Variants in ATP6V1B2 observed in about 807,000 individuals in gnomAD.
ATP6V1B2 encodes V-type proton ATPase subunit B, brain isoform.
In ATP6V1B2, 23 loss-of-function variants were observed where a neutral mutation model predicts 66.7. The observed-to-expected ratio is 0.34, with a 90% CI of 0.25 to 0.49. ATP6V1B2 has a LOEUF of 0.49. ATP6V1B2 is among the 20% of genes least tolerant of loss of function. The pLI is 0.99. For missense variants in ATP6V1B2, 478 were observed against 650.8 expected (o/e 0.73, Z 2.89); for synonymous variants, 278 against 236.7 (o/e 1.17, Z -1.60).
Position 20,221,230 on chromosome 8 carries a change from G to A in ATP6V1B2, c.*828G>A, listed in dbSNP as rs1242369512. On this transcript the variant is annotated 3_prime_UTR_variant, in exon 14 of 14. Coordinates refer to ENST00000276390, the MANE Select transcript of ATP6V1B2 (RefSeq NM_001693.4). ...TCTACATTCTGACATGCTAACAGTG[G>A]TTTAAGTTTCTAAAGTGTTTACCAG... The A allele has an allele frequency of 6.6e-6, 1 of 152,208 alleles. No homozygotes were observed. The highest frequency in any genetic ancestry group is 2.4e-5 in the African/African-American group (1 of 41,454). The allele number at this position is 152,208 out of a possible 1,614,324, so 9.4% of individuals were successfully genotyped here.
intron 1 of ATP6V1B2, among the ~76,000 whole-genome samples, chr8:20,198,583 G>A (rs931408183): frequency 6.6e-6 from 1 of 152,192 alleles, no homozygotes; most frequent in Admixed American, 6.5e-5. Context: ...ACTGGGAAAA[G>A]CACATGATGT....
chr8:20,198,301 A>G (rs1037120883), intron 1 of ATP6V1B2, among the ~76,000 whole-genome samples: 5 of 152,176 alleles, frequency 3.3e-5, no homozygotes, highest in African/African-American at 1.2e-4. Flanking sequence ...TTGCCTCTTC[A>G]TTTACTGACC....
intron 13 of ATP6V1B2, among the ~76,000 whole-genome samples, chr8:20,218,710 T>G (rs1411003798): frequency 6.6e-6 from 1 of 152,188 alleles, no homozygotes; most frequent in Non-Finnish European, 1.5e-5. Context: ...TCCAAAAAGC[T>G]CAGTTACCTG....
At chr8:20,201,298 A>G (rs540780452) in intron 1 of ATP6V1B2, among the ~76,000 whole-genome samples, 5 of 152,292 alleles carry the variant, frequency 3.3e-5, no homozygotes, top group South Asian at 4.1e-4. Flanking sequence ...TATTTAGGTA[A>G]TTTACAAATG....
chr8:20,211,037 T>G, intron 5 of ATP6V1B2, 140 bp from the exon 6 acceptor site: 1 of 1,125,832 alleles, frequency 8.9e-7, no homozygotes, highest in Non-Finnish European at 1.2e-6. Flanking sequence ...AATAACTGAT[T>G]TTTTTTGTAG....
Position 20,214,976 on chromosome 8 carries a change from T to C in ATP6V1B2, c.1078+8T>C. On this transcript the variant is annotated splice_region_variant and intron_variant, in intron 10 of 13. Coordinates refer to ENST00000276390, the MANE Select transcript of ATP6V1B2 (RefSeq NM_001693.4). ...TAACCATGCCTAATGATGGTAAGTT[T>C]TGGTATTTGGATTATAACACACCTA... 1 of 1,612,484 alleles carries C rather than the reference T, an allele frequency of 6.2e-7. No individual in the cohort carries two copies. The highest frequency in any genetic ancestry group is 8.5e-7 in the Non-Finnish European group (1 of 1,179,142).
chr8:20,217,063 C>G, intron 11 of ATP6V1B2, 157 bp from the exon 12 acceptor site: 1 of 628,766 alleles, frequency 1.6e-6, no homozygotes, highest in Non-Finnish European at 2.8e-6. Flanking sequence ...ACTACCTTTT[C>G]TTGCCAGGAA....
rs1000768485 is a variant in ATP6V1B2 at position 20,220,457 on chromosome 8, A to C, written c.*55A>C. ...GTGAAATACTGGTTCTGTTTTCTTT[A>C]TTCCTTTTGCACTCTCGGTTCCCAC... On this transcript the variant is annotated 3_prime_UTR_variant, in exon 14 of 14. Transcript: ENST00000276390. 4.3e-5 allele frequency: 64 copies of C among 1,490,246 alleles called. No homozygotes were observed. Among genetic ancestry groups the C allele is most frequent in the Middle Eastern group, 3.6e-4 (2 of 5,610 alleles). The allele number at this position is 1,490,246 out of a possible 1,614,324, so 92.3% of individuals were successfully genotyped here. A position where few individuals can be genotyped will look rare whatever the true frequency, so the allele number is the denominator to read the frequency against.
intron 5 of ATP6V1B2, 109 bp downstream of exon 5, chr8:20,210,755 C>T (rs2072785505): frequency 4.1e-6 from 3 of 728,562 alleles, no homozygotes; most frequent in Non-Finnish European, 7.0e-6. Flanking sequence ...AGTAGATAGG[C>T]AACACGCTCC....
intron 1 of ATP6V1B2, among the ~76,000 whole-genome samples, chr8:20,201,117 A>T (rs879775730): frequency 6.6e-6 from 1 of 152,224 alleles, no homozygotes; most frequent in African/African-American, 2.4e-5. Flanking sequence ...GGCTCATATG[A>T]TAGTTCAGAA....
intron 13 of ATP6V1B2, 45 bp from the exon 14 acceptor site, chr8:20,220,218 G>T: frequency 6.3e-7 from 1 of 1,593,642 alleles, no homozygotes; most frequent in Non-Finnish European, 8.5e-7. Flanking sequence ...ACACTGCTAA[G>T]TTGGAAGTCA....
chr8:20,209,885 T>G (rs1471041545), intron 3 of ATP6V1B2, among the ~76,000 whole-genome samples: 2 of 152,000 alleles, frequency 1.3e-5, no homozygotes, highest in African/African-American at 4.8e-5. Context: ...TACCTCACTA[T>G]GGGTAATGGC....
rs2072812069 is a variant in ATP6V1B2 at position 20,213,103 on chromosome 8, T to C, written c.927+198T>C. 6 of 604,798 alleles carry C rather than the reference T, an allele frequency of 9.9e-6. No homozygotes were observed. In the Admixed American group the frequency reaches 2.0e-4, roughly 21 times the overall value. The allele number at this position is 604,798 out of a possible 1,614,324, so 37.5% of individuals were successfully genotyped here. On this transcript the variant is annotated intron_variant, in intron 9 of 13. Coordinates refer to ENST00000276390, the MANE Select transcript of ATP6V1B2 (RefSeq NM_001693.4). ...AAGTGATTAGAGGTTAAGATTTAAATGGTTAGCCTGTTTATCATACTGTCA... is the reference window on the plus strand; with the variant it reads ...AAGTGATTAGAGGTTAAGATTTAAACGGTTAGCCTGTTTATCATACTGTCA...
chr8:20,215,651 T>A (rs2072847156), intron 10 of ATP6V1B2: 1 of 152,132 alleles, frequency 6.6e-6, no homozygotes, highest in Non-Finnish European at 1.5e-5. Context: ...CACAGGGAGG[T>A]CAAATGATTT....
At chr8:20,207,866 C>T (rs1253577912) in intron 2 of ATP6V1B2, among the ~76,000 whole-genome samples, 1 of 152,026 alleles carries the variant, frequency 6.6e-6, no homozygotes. Context: ...GAAGGATTTA[C>T]TTGATAAGTA....
intron 12 of ATP6V1B2, 136 bp from the exon 13 acceptor site, chr8:20,218,017 A>G (rs1244899494): frequency 1.7e-6 from 2 of 1,208,168 alleles, no homozygotes; most frequent in Non-Finnish European, 2.3e-6. Context: ...TTTCATATGA[A>G]TTTTATGTGA....
Position 20,220,493 on chromosome 8 carries a change from G to C in ATP6V1B2, c.*91G>C. On this transcript the variant is annotated 3_prime_UTR_variant, in exon 14 of 14. Transcript: ENST00000276390. ...ACTCTCGGTTCCCACCTTTGTGTTG[G>C]AGTTTACCATGTTACCCTGTAATTA... 7.0e-7 allele frequency: 1 copy of C among 1,438,766 alleles called. No individual in the cohort carries two copies. Among genetic ancestry groups the C allele is most frequent in the Non-Finnish European group, 9.2e-7 (1 of 1,091,016 alleles). 89.1% of individuals were successfully genotyped at this position (1,438,766 alleles called of 1,614,324 possible).
chr8:20,212,479 C>G (rs1371141569), intron 8 of ATP6V1B2, among the ~76,000 whole-genome samples: 1 of 152,190 alleles, frequency 6.6e-6, no homozygotes, highest in Non-Finnish European at 1.5e-5. Flanking sequence ...AATCAACTCT[C>G]TGTAAATGAT....
Position 20,217,325 on chromosome 8 carries a change from G to A in ATP6V1B2, c.1266+1G>A. The A allele has an allele frequency of 6.2e-7, 1 of 1,600,122 alleles. No homozygotes were observed. The highest frequency in any genetic ancestry group is 8.6e-7 in the Non-Finnish European group (1 of 1,167,496). Reference sequence around the variant, plus strand: ...TCATGCCGATGTATCTAACCAGCTAGTATGTACATTCTTCTAAGAATGGTG... The same window carrying A: ...TCATGCCGATGTATCTAACCAGCTAATATGTACATTCTTCTAAGAATGGTG... On this transcript the variant is annotated splice_donor_variant, in intron 12 of 13. Coordinates refer to ENST00000276390, the MANE Select transcript of ATP6V1B2 (RefSeq NM_001693.4). LOFTEE classifies it high-confidence loss of function.
Sources: allele counts gnomAD v4.1 joint callset (sites outside exome capture counted in the v4.1 genomes callset), GRCh38; gene constraint gnomAD v4.1.1; transcripts MANE v1.5; gene names NCBI Gene and HGNC (gene_info 2026-07-23, HGNC 2026-07-21).